DCLK1: variants seen among roughly 807,000 people sequenced by gnomAD.
DCLK1 encodes the protein doublecortin like kinase 1, also known as serine/threonine-protein kinase DCLK1.
A neutral mutation model predicts 86.2 loss-of-function variants in DCLK1; 16 were observed. The observed-to-expected ratio is 0.19, with a 90% confidence interval of 0.13 to 0.28. The LOEUF is 0.28. Ranked by LOEUF, DCLK1 falls within the 10% of genes least tolerant of loss-of-function variation. The pLI is 1.00. For missense variants in DCLK1, 590 were observed against 940.2 expected (o/e 0.63, Z 4.87); for synonymous variants, 369 against 370.5 (o/e 1.00, Z 0.05).
Position 36,112,009 on chromosome 13 carries a change from C to T in DCLK1, c.583G>A (p.Val195Met), listed in dbSNP as rs1319516535. 5.6e-6 allele frequency: 9 copies of T among 1,614,214 alleles called. No individual in the cohort carries two copies. The highest frequency in any genetic ancestry group is 1.3e-5 in the African/African-American group (1 of 75,054). ...PKLVTIIRSG[V>M]KPRKAVRILL... Reference sequence around the variant, plus strand: ...ATCCTGACAGCTTTCCGTGGCTTCACGCCACTTCTGATGATGGTGACCAGC... The same window carrying T: ...ATCCTGACAGCTTTCCGTGGCTTCATGCCACTTCTGATGATGGTGACCAGC... The change falls in exon 3 of 17, where the codon GTG (valine) becomes ATG (methionine). Residue 195 changes from valine to methionine, a missense_variant. By Grantham distance (21) the Val-to-Met change is conservative. Around this residue, in one of 6 missense-constraint regions of DCLK1, gnomAD observed 195 missense variants for 365.1 expected, o/e 0.53. Coordinates refer to ENST00000360631, the MANE Select transcript of DCLK1 (RefSeq NM_001330071.2).
At chr13:35,835,202 C>A (rs192375912) in intron 8 of DCLK1, among the ~76,000 whole-genome samples, 1 of 152,282 alleles carries the variant, frequency 6.6e-6, no homozygotes, top group Non-Finnish European at 1.5e-5. Flanking sequence ...TGTCCAGCCC[C>A]ACTGCGGGCA....
At chr13:35,843,989 G>A (rs979410596) in intron 6 of DCLK1, among the ~76,000 whole-genome samples, 1 of 152,042 alleles carries the variant, frequency 6.6e-6, no homozygotes, top group Non-Finnish European at 1.5e-5. Context: ...AATTCTATAT[G>A]ATACAGAAAA....
intron 2 of DCLK1, among the ~76,000 whole-genome samples, chr13:36,112,890 T>C (rs1593902066): frequency 6.6e-6 from 1 of 152,186 alleles, no homozygotes; most frequent in African/African-American, 2.4e-5. Context: ...TATAAGTAAA[T>C]GTTTATTAAA....
chr13:36,083,031 C>T (rs950088190), intron 3 of DCLK1, among the ~76,000 whole-genome samples: 2 of 152,260 alleles, frequency 1.3e-5, no homozygotes, highest in Non-Finnish European at 2.9e-5. Context: ...AATCTGAAAT[C>T]TCATTTGAAT....
At chr13:36,002,029 A>C (rs530029056) in intron 3 of DCLK1, among the ~76,000 whole-genome samples, 5 of 152,314 alleles carry the variant, frequency 3.3e-5, no homozygotes, top group South Asian at 2.1e-4. Context: ...TGGGTTAAAA[A>C]AAAAATCTCT....
chr13:35,887,265 A>C (rs1189756176), intron 4 of DCLK1, among the ~76,000 whole-genome samples: 4 of 152,212 alleles, frequency 2.6e-5, no homozygotes, highest in Non-Finnish European at 5.9e-5. Flanking sequence ...GAACACCTGA[A>C]AATGTCTGAA....
chr13:36,061,696 G>A (rs1445996300), intron 3 of DCLK1, among the ~76,000 whole-genome samples: 2 of 152,316 alleles, frequency 1.3e-5, no homozygotes, highest in East Asian at 3.9e-4. Context: ...AAATGACGAA[G>A]TGTGAATATA....
intron 3 of DCLK1, among the ~76,000 whole-genome samples, chr13:36,025,795 T>A (rs977537728): frequency 1.3e-5 from 2 of 152,160 alleles, no homozygotes; most frequent in Non-Finnish European, 2.9e-5. Context: ...ACTTCAGATG[T>A]TATGAAGCAA....
At chr13:35,830,553 C>T (rs1385259331) in intron 8 of DCLK1, among the ~76,000 whole-genome samples, 1 of 152,168 alleles carries the variant, frequency 6.6e-6, no homozygotes, top group African/African-American at 2.4e-5. Flanking sequence ...AATACTTAAT[C>T]GAGGAAAACT....
At chr13:36,078,568 T>C (rs933768167) in intron 3 of DCLK1, among the ~76,000 whole-genome samples, 3 of 152,160 alleles carry the variant, frequency 2.0e-5, no homozygotes, top group African/African-American at 7.2e-5. Flanking sequence ...GTTTACAAAT[T>C]GTAGATACTG....
chr13:35,789,558 G>A (rs1593590027), intron 16 of DCLK1, among the ~76,000 whole-genome samples: 1 of 152,158 alleles, frequency 6.6e-6, no homozygotes, highest in South Asian at 2.1e-4. Context: ...TTAGAACTAA[G>A]CTTCCCAGTG....
chr13:35,810,759 A>G (rs2087125418), intron 12 of DCLK1, 76 bp downstream of exon 12: 2 of 1,549,678 alleles, frequency 1.3e-6, no homozygotes, highest in Non-Finnish European at 8.8e-7. Flanking sequence ...AGGGCACAGC[A>G]GTACTATTTT....
intron 3 of DCLK1, among the ~76,000 whole-genome samples, chr13:36,050,316 A>G (rs1436496360): frequency 6.6e-6 from 1 of 152,210 alleles, no homozygotes; most frequent in Non-Finnish European, 1.5e-5. Flanking sequence ...AGTTAATTGA[A>G]GAAAGCCAAC....
chr13:36,122,708 T>G (rs933925967), intron 2 of DCLK1, among the ~76,000 whole-genome samples: 1 of 152,202 alleles, frequency 6.6e-6, no homozygotes, highest in Non-Finnish European at 1.5e-5. Context: ...CATCATGATT[T>G]TTTTAAAAAA....
At chr13:36,092,644 G>A (rs886762397) in intron 3 of DCLK1, among the ~76,000 whole-genome samples, 46 of 151,378 alleles carry the variant, frequency 3.0e-4, no homozygotes, top group Non-Finnish European at 5.6e-4. Flanking sequence ...CCGCCACCAC[G>A]CCCGGCTAAT....
chr13:35,820,651 G>A (rs538673554), intron 11 of DCLK1, among the ~76,000 whole-genome samples: 31 of 152,280 alleles, frequency 2.0e-4, no homozygotes, highest in African/African-American at 7.0e-4. Context: ...GCTTAGAGAA[G>A]TTTTTAAACA....
chr13:35,937,784 T>C (rs1271271898), intron 4 of DCLK1, among the ~76,000 whole-genome samples: 3 of 152,110 alleles, frequency 2.0e-5, no homozygotes, highest in Non-Finnish European at 4.4e-5. Flanking sequence ...AGTTACCCAA[T>C]GGTATAACAA....
At chr13:35,887,783 T>C (rs1171066) in intron 4 of DCLK1, among the ~76,000 whole-genome samples, 142,087 of 151,064 alleles carry the variant, frequency 0.94, 66,848 homozygotes, top group Middle Eastern at 0.97. Flanking sequence ...GACACTGTGG[T>C]ATGCGCCTAT....
At position 36,045,330 on chromosome 13, in the gene DCLK1, G is replaced by GTATATATATA. The variant is rs1316034070; in HGVS notation, c.723+66538_723+66539insTATATATATA. 4.2e-4 allele frequency among the ~76,000 whole-genome samples: 24 copies of GTATATATATA among 56,592 alleles called. 1 individual carries two copies. The highest frequency in any genetic ancestry group is 1.0e-3 in the Admixed American group (4 of 3,852). The allele number at this position is 56,592 out of a possible 152,430, so 37.1% of individuals were successfully genotyped here. Reference sequence around the variant, plus strand: ...TATATGTCTATATATGTGTGTGTGTGTGTATATATATATATATATATATAT... The same window carrying GTATATATATA: ...TATATGTCTATATATGTGTGTGTGTGTATATATATATGTATATATATATATATATATATAT... On this transcript the variant is annotated intron_variant, in intron 3 of 16. Coordinates refer to ENST00000360631, the MANE Select transcript of DCLK1 (RefSeq NM_001330071.2).
Sources: gnomAD v4.1 joint callset for allele counts (sites outside exome capture counted in the v4.1 genomes callset) on GRCh38, gnomAD v4.1.1 for gene constraint, gnomAD v4.1.1 regional missense constraint, MANE v1.5 for transcripts, NCBI Gene and HGNC (gene_info 2026-07-23, HGNC 2026-07-21) for gene names.